The following RGS3 variants were observed in gnomAD, a reference collection of about 807,000 sequenced individuals.
RGS3 encodes regulator of G-protein signalling 3.
Under a neutral mutation model 132.6 loss-of-function variants are expected in RGS3, and 80 were observed. The ratio of observed to expected loss-of-function variants is 0.60; its 90% CI spans 0.50 to 0.73. RGS3 has a LOEUF of 0.73. Among genes scored for constraint, RGS3 ranks in the 30% least tolerant of loss-of-function variants. The probability of loss-of-function intolerance (pLI) is 0.00; values close to 1 mark genes in which losing one functional copy is unlikely to be tolerated. For missense variants in RGS3, 1,382 were observed against 1,530.8 expected, an observed-to-expected ratio of 0.90 and a Z score of 1.62; for synonymous variants, 598 against 620.6, an observed-to-expected ratio of 0.96 and a Z score of 0.54.
intron 20 of RGS3, among the ~76,000 whole-genome samples, chr9:113,590,667 C>A (rs1195252282): frequency 6.6e-6 from 1 of 152,038 alleles, no homozygotes; most frequent in African/African-American, 2.4e-5. Context: ...TGAAGACCTT[C>A]TGTTGGTTGG....
chr9:113,585,793 C>G (rs1010232798), intron 20 of RGS3, among the ~76,000 whole-genome samples: 1 of 152,212 alleles, frequency 6.6e-6, no homozygotes, highest in African/African-American at 2.4e-5. Flanking sequence ...TCCTCAGAAG[C>G]CTGCTTAGCT....
At chr9:113,515,481 A>G (rs1831606765) in intron 15 of RGS3, among the ~76,000 whole-genome samples, 1 of 151,982 alleles carries the variant, frequency 6.6e-6, no homozygotes, top group Non-Finnish European at 1.5e-5. Flanking sequence ...ATACAAAAAA[A>G]TTAGCTGGGT....
At chr9:113,508,642 C>T in intron 14 of RGS3, 62 bp downstream of exon 12, 1 of 1,556,712 alleles carries the variant, frequency 6.4e-7, no homozygotes, top group Non-Finnish European at 8.8e-7. Flanking sequence ...TCAGCTGAGG[C>T]CTGGCCCAGC....
intron 4 of RGS3, among the ~76,000 whole-genome samples, chr9:113,481,476 G>A (rs1830156794): frequency 1.3e-5 from 2 of 152,212 alleles, no homozygotes; most frequent in Non-Finnish European, 1.5e-5. Flanking sequence ...TGGGTCCTCT[G>A]GTCATGGCCA....
intron 16 of RGS3, 118 bp from the exon 15 acceptor site, chr9:113,522,812 A>T (rs1345340308): frequency 2.7e-6 from 2 of 747,612 alleles, no homozygotes; most frequent in African/African-American, 3.4e-5. Context: ...TTTGTGTGAG[A>T]TGATGAGGAT....
chr9:113,578,592 T>G (rs1281109010), intron 19 of RGS3, among the ~76,000 whole-genome samples: 1 of 151,886 alleles, frequency 6.6e-6, no homozygotes, highest in African/African-American at 2.4e-5. Flanking sequence ...ACTGGGGGTG[T>G]CAGCCTCTGG....
At chr9:113,581,093 C>A in intron 19 of RGS3, 1 of 686,912 alleles carries the variant, frequency 1.5e-6, no homozygotes, top group Non-Finnish European at 1.8e-6. Context: ...GAGCTGGCTG[C>A]AGGGCAGTTT....
At chr9:113,489,556 C>T (rs1156535919) in intron 7 of RGS3, among the ~76,000 whole-genome samples, 1 of 152,148 alleles carries the variant, frequency 6.6e-6, no homozygotes, top group Non-Finnish European at 1.5e-5. Context: ...CAGGATCTCA[C>T]TCTGTCACCC....
intron 3 of RGS3, among the ~76,000 whole-genome samples, chr9:113,467,565 A>T (rs1017857988): frequency 3.3e-5 from 5 of 152,084 alleles, no homozygotes; most frequent in Non-Finnish European, 1.5e-5. Context: ...TTCATTTTAA[A>T]ATTGGGCTTT....
At chr9:113,480,432 C>T (rs1830122169) in intron 4 of RGS3, among the ~76,000 whole-genome samples, 1 of 145,022 alleles carries the variant, frequency 6.9e-6, no homozygotes, top group South Asian at 2.2e-4. Flanking sequence ...GCACTCCAGC[C>T]CAGGCGACAG....
Position 113,591,525 on chromosome 9 carries a change from C to G in RGS3, c.3080+128C>G, listed in dbSNP as rs552512007. On this transcript the variant is annotated intron_variant, in intron 21 of 24. Transcript: ENST00000350696. This position sits in a 1 kb window ranked among gnomAD's most constrained non-coding sequence, Gnocchi z 4.4. Reference sequence around the variant, plus strand: ...TCCCGCCCACAACCCCAGACAGACACCAAGGAAAAACTGGATCTTGGAACT... The same window carrying G: ...TCCCGCCCACAACCCCAGACAGACAGCAAGGAAAAACTGGATCTTGGAACT... 1.2e-3 allele frequency: 971 copies of G among 812,592 alleles called. 22 individuals carry two copies. The South Asian group carries it at 0.014, about 11-fold the overall frequency. 50.3% of individuals were successfully genotyped at this position (812,592 alleles called of 1,614,324 possible).
chr9:113,518,862 G>A (rs963291796), intron 16 of RGS3, among the ~76,000 whole-genome samples: 2 of 152,256 alleles, frequency 1.3e-5, no homozygotes, highest in Admixed American at 1.3e-4. Context: ...GCTATGTTTG[G>A]TGAATGAGAG....
intron 24 of RGS3, 35 bp from the exon 23 acceptor site, chr9:113,596,732 AG>A: frequency 1.3e-6 from 2 of 1,569,074 alleles, no homozygotes; most frequent in Non-Finnish European, 1.7e-6. Context: ...AGTCCCCAGC[AG>A]GCAGCCCTGA....
chr9:113,480,917 C>T (rs1830139930), intron 4 of RGS3, among the ~76,000 whole-genome samples: 1 of 152,230 alleles, frequency 6.6e-6, no homozygotes, highest in African/African-American at 2.4e-5. Context: ...TCTATCTCTC[C>T]AGCCTCCCTG....
Position 113,544,894 on chromosome 9 carries a change from G to A in RGS3, c.2037+7976G>A, listed in dbSNP as rs933574769. On this transcript the variant is annotated intron_variant, in intron 19 of 24. Transcript: ENST00000350696. Reference sequence around the variant, plus strand: ...AGGAAGAGGCAAGAGAGGGATATCCGGCATGTCAGAAGCTGTGGCCCATCA... The same window carrying A: ...AGGAAGAGGCAAGAGAGGGATATCCAGCATGTCAGAAGCTGTGGCCCATCA... Among the ~76,000 whole-genome samples the A allele has an allele frequency of 1.8e-4, 28 of 152,166 alleles. 1 individual carries two copies. Among genetic ancestry groups the A allele is most frequent in the Admixed American group, 1.0e-3 (16 of 15,274 alleles).
At position 113,506,137 on chromosome 9, in the gene RGS3, A is replaced by AGAGGTAAGCCAGCAGTAGGG. The variant is rs1831121379; in HGVS notation, c.980-226_980-207dup. On this transcript the variant is annotated intron_variant, in intron 11 of 24. Coordinates refer to ENST00000350696, the Ensembl canonical transcript of RGS3. The surrounding 1 kb of genome is among the most constrained non-coding windows in gnomAD (Gnocchi z 4.7). Reference sequence around the variant, plus strand: ...GCCCGGGTAGAAGGGTGGACTGCAGAGAGGTAAGCCAGCAGTAGGGGAGGT... The same window carrying AGAGGTAAGCCAGCAGTAGGG: ...GCCCGGGTAGAAGGGTGGACTGCAGAGAGGTAAGCCAGCAGTAGGGGAGGTAAGCCAGCAGTAGGGGAGGT... Among the ~76,000 whole-genome samples, 3 of 152,016 alleles carry AGAGGTAAGCCAGCAGTAGGG rather than the reference A, an allele frequency of 2.0e-5. No homozygotes were observed. The highest frequency in any genetic ancestry group is 6.6e-5 in the Admixed American group (1 of 15,250).
At chr9:113,577,923 A>G (rs1245366590) in intron 19 of RGS3, among the ~76,000 whole-genome samples, 1 of 152,254 alleles carries the variant, frequency 6.6e-6, no homozygotes, top group Non-Finnish European at 1.5e-5. Context: ...CACAAGGACA[A>G]GGATCATGTC....
At position 113,507,363 on chromosome 9, in the gene RGS3, C is replaced by T; in HGVS notation, c.1162C>T (p.Leu388=). 6.2e-7 allele frequency: 1 copy of T among 1,613,844 alleles called. No individual in the cohort carries two copies. The change falls in exon 13 of 25, where the codon CTG becomes TTG. Residue 388 remains leucine (L), a synonymous_variant. Coordinates refer to ENST00000350696, the Ensembl canonical transcript of RGS3. This position sits in a 1 kb window ranked among gnomAD's most constrained non-coding sequence, Gnocchi z 5.0. ...CAAGCCAGGACCAGATGGCGGGGTC[C>T]TGCGGCGGGCCTCCTGCAAGTCGAC...
chr9:113,465,537 C>T (rs1243699158), intron 3 of RGS3, among the ~76,000 whole-genome samples: 3 of 150,146 alleles, frequency 2.0e-5, no homozygotes, highest in Non-Finnish European at 3.0e-5. Flanking sequence ...TTTGTATGGA[C>T]AATTTTGTAA....
Sources: gnomAD v4.1 joint callset for allele counts (sites outside exome capture counted in the v4.1 genomes callset) on GRCh38, gnomAD v4.1.1 for gene constraint, Gnocchi (gnomAD v3.1) non-coding constraint, MANE v1.5 for transcripts, NCBI Gene and HGNC (gene_info 2026-07-23, HGNC 2026-07-21) for gene names.